AP1B1: variants seen among roughly 807,000 people sequenced by gnomAD.
AP1B1 encodes the protein adaptor related protein complex 1 subunit beta 1.
A neutral mutation model predicts 104.3 loss-of-function variants in AP1B1; 36 were observed. The ratio of observed to expected loss-of-function variants is 0.35; its 90% CI spans 0.26 to 0.46. The LOEUF (loss-of-function observed/expected upper bound fraction) is 0.46. Among genes scored for constraint, AP1B1 ranks in the 20% least tolerant of loss-of-function variants. AP1B1 has a pLI of 1.00. For missense variants in AP1B1, 901 were observed against 1,247.9 expected, an observed-to-expected ratio of 0.72 and a Z score of 4.19; for synonymous variants, 504 against 517.5, an observed-to-expected ratio of 0.97 and a Z score of 0.35.
intron 16 of AP1B1, 70 bp from the exon 17 acceptor site, chr22:29,334,480 T>A: frequency 2.0e-6 from 3 of 1,502,998 alleles, no homozygotes; most frequent in Non-Finnish European, 2.6e-6. Flanking sequence ...ACAGCCCACC[T>A]GAGGGTGCTT....
At position 29,358,968 on chromosome 22, in the gene AP1B1, A is replaced by G; in HGVS notation, c.283T>C (p.Cys95Arg). 6.2e-7 allele frequency: 1 copy of G among 1,606,128 alleles called. No individual in the cohort carries two copies. The highest frequency in any genetic ancestry group is 8.5e-7 in the Non-Finnish European group (1 of 1,176,188). Residue 95 changes from cysteine (C) to arginine (R), a missense_variant, in exon 5 of 23, where the codon TGT becomes CGT. Transcript: ENST00000357586. The stretch of plus-strand genomic sequence containing the variant: ...CGGATGAGGGGGTTGGGGTCCTCAC[A>G]GTCCTGGGGGGAACCAGCCATCGGC... ...IMAVNTFVKD[C>R]EDPNPLIRAL...
intron 11 of AP1B1, among the ~76,000 whole-genome samples, chr22:29,346,511 T>C (rs1485444450): frequency 6.6e-6 from 1 of 152,130 alleles, no homozygotes; most frequent in Non-Finnish European, 1.5e-5. Context: ...CATAATAGAG[T>C]TTGCGCTCCT....
intron 1 of AP1B1, among the ~76,000 whole-genome samples, chr22:29,381,731 G>A (rs951517906): frequency 6.6e-6 from 1 of 152,130 alleles, no homozygotes; most frequent in Non-Finnish European, 1.5e-5. Flanking sequence ...CGTTCAGTGA[G>A]GCCAAGTCAC....
At chr22:29,346,118 A>C (rs977203063) in intron 11 of AP1B1, among the ~76,000 whole-genome samples, 2 of 152,210 alleles carry the variant, frequency 1.3e-5, no homozygotes, top group Non-Finnish European at 2.9e-5. Flanking sequence ...CACTAGAGAC[A>C]AGGAAATGGG....
At chr22:29,377,195 C>CAAAAAA (rs34466410) in intron 1 of AP1B1, among the ~76,000 whole-genome samples, 7 of 64,692 alleles carry the variant, frequency 1.1e-4, no homozygotes, top group Admixed American at 2.3e-4. Context: ...GACCCTGTCT[C>CAAAAAA]AAAAAAAAAA....
intron 21 of AP1B1, 181 bp from the exon 22 acceptor site, chr22:29,329,901 G>A: frequency 6.9e-7 from 1 of 1,451,514 alleles, no homozygotes; most frequent in Non-Finnish European, 9.1e-7. Flanking sequence ...GGGAGAAGCA[G>A]AGTTTGGGGC....
chr22:29,330,420 C>T lies in AP1B1; in HGVS notation c.2724G>A (p.Val908=). The T allele has an allele frequency of 6.2e-7, 1 of 1,613,842 alleles. No homozygotes were observed. The highest frequency in any genetic ancestry group is 8.5e-7 in the Non-Finnish European group (1 of 1,179,974). Residue 908 remains valine (V), a synonymous_variant, in exon 21 of 23, where the codon GTG becomes GTA. Transcript: ENST00000357586. ...CCGGCTGGATCCGCAGCTCCGCCAG[C>T]ACCCAGATGCCGTTGGTCAGCTTCA... ...QSLKLTNGIW[V]LAELRIQPGN... is the part of the protein sequence containing the mutation.
chr22:29,380,308 G>T (rs2062416552), intron 1 of AP1B1, among the ~76,000 whole-genome samples: 1 of 152,068 alleles, frequency 6.6e-6, no homozygotes, highest in Non-Finnish European at 1.5e-5. Context: ...GCTCAGGCCT[G>T]GTACCTCTTC....
chr22:29,338,430 G>A (rs2061667838), intron 16 of AP1B1, among the ~76,000 whole-genome samples: 1 of 152,198 alleles, frequency 6.6e-6, no homozygotes, highest in Admixed American at 6.5e-5. Flanking sequence ...GCAACTTCAT[G>A]TCTTCTGGGG....
At chr22:29,339,279 A>G (rs71329471) in intron 15 of AP1B1, 146 bp from the exon 16 acceptor site, 1 of 963,724 alleles carries the variant, frequency 1.0e-6, no homozygotes, top group Non-Finnish European at 1.5e-6. Context: ...TTACAGAAAC[A>G]AGACAGAGAG....
chr22:29,351,152 C>A lies in AP1B1; in HGVS notation c.1155+19G>T. 1.9e-6 allele frequency: 3 copies of A among 1,598,756 alleles called. No homozygotes were observed. Among genetic ancestry groups the A allele is most frequent in the Non-Finnish European group, 2.6e-6 (3 of 1,168,512 alleles). The stretch of plus-strand genomic sequence containing the variant: ...CCCCTTTTCCTTCTCCAGCCAAGGA[C>A]AGAGTCCCAGAGCCTCACCTCCACC... On this transcript the variant is annotated intron_variant, in intron 9 of 22. Transcript: ENST00000357586.
chr22:29,330,921 G>A (rs777478866), intron 19 of AP1B1, among the ~76,000 whole-genome samples: 15 of 152,082 alleles, frequency 9.9e-5, no homozygotes, highest in Non-Finnish European at 1.6e-4. Flanking sequence ...CTGGCTTCCT[G>A]CCTCCAGGCC....
intron 5 of AP1B1, 57 bp from the exon 6 acceptor site, chr22:29,356,673 C>A: frequency 1.3e-6 from 2 of 1,518,852 alleles, no homozygotes; most frequent in Non-Finnish European, 9.1e-7. Context: ...GGCCAGGGGG[C>A]AGTGCATTAA....
intron 11 of AP1B1, among the ~76,000 whole-genome samples, chr22:29,348,402 C>T (rs2061824314): frequency 6.6e-6 from 1 of 152,234 alleles, no homozygotes; most frequent in Admixed American, 6.5e-5. Flanking sequence ...TGCTCCCTAG[C>T]ACTGAAGTGC....
At chr22:29,352,977 C>T (rs1200221539) in intron 7 of AP1B1, among the ~76,000 whole-genome samples, 1 of 152,148 alleles carries the variant, frequency 6.6e-6, no homozygotes, top group Non-Finnish European at 1.5e-5. Flanking sequence ...TCACATGTGT[C>T]ATTGTTCCTC....
At position 29,331,839 on chromosome 22, in the gene AP1B1, G is replaced by C; in HGVS notation, c.2387C>G (p.Pro796Arg). Residue 796 changes from proline (P) to arginine (R), a missense_variant, in exon 18 of 23, where the codon CCT (proline) becomes CGT (arginine). Around this residue, in one of 3 missense-constraint regions of AP1B1, gnomAD observed 424 missense variants for 494.0 expected, o/e 0.86. Transcript: ENST00000357586. ...SPNQTVEISL[P>R]LSTVGSVMKM... Reference sequence around the variant, plus strand: ...CATGACCGAGCCCACCGTGCTGAGAGGCAGGGAGATCTCCACTGTCTGGTT... The same window carrying C: ...CATGACCGAGCCCACCGTGCTGAGACGCAGGGAGATCTCCACTGTCTGGTT... 3 of 1,613,122 alleles carry C rather than the reference G, an allele frequency of 1.9e-6. No homozygotes were observed. The highest frequency in any genetic ancestry group is 2.5e-6 in the Non-Finnish European group (3 of 1,179,316).
rs1448388277 is a variant in AP1B1 at position 29,342,267 on chromosome 22, G to A, written c.1536+18C>T. The A allele has an allele frequency of 6.2e-7, 1 of 1,603,158 alleles. No individual in the cohort carries two copies. The highest frequency in any genetic ancestry group is 8.5e-7 in the Non-Finnish European group (1 of 1,170,910). ...GTGAGGGCTATGCTGGGCACAGCGG[G>A]GAGGTTGGGGCACCCACCTGAGTGG... On this transcript the variant is annotated intron_variant, in intron 12 of 22. Transcript: ENST00000357586.
At position 29,331,489 on chromosome 22, in the gene AP1B1, C is replaced by T. The variant is rs770177481; in HGVS notation, c.2484G>A (p.Leu828=). Reference sequence around the variant, plus strand: ...CCACAAAGAGGATGTGCAGTGGGTACAAGGTGCTGAAGTAGAAGACATCGA... The same window carrying T: ...CCACAAAGAGGATGTGCAGTGGGTATAAGGTGCTGAAGTAGAAGACATCGA... The part of the protein sequence containing the change: ...NNIDVFYFST[L]YPLHILFVED... Residue 828 remains leucine (L), a synonymous_variant, in exon 19 of 23, where the codon TTG becomes TTA. Coordinates refer to ENST00000357586, the MANE Select transcript of AP1B1 (RefSeq NM_001127.4). 2.5e-6 allele frequency: 4 copies of T among 1,614,206 alleles called. No homozygotes were observed. The highest frequency in any genetic ancestry group is 2.2e-5 in the East Asian group (1 of 44,888).
intron 1 of AP1B1, among the ~76,000 whole-genome samples, chr22:29,382,335 C>T (rs185525542): frequency 6.6e-6 from 1 of 152,336 alleles, no homozygotes; most frequent in Non-Finnish European, 1.5e-5. Context: ...GCATGAGCCA[C>T]GGCACCTGGC....
Sources: gnomAD v4.1 joint callset for allele counts (sites outside exome capture counted in the v4.1 genomes callset) on GRCh38, gnomAD v4.1.1 for gene constraint, gnomAD v4.1.1 regional missense constraint, MANE v1.5 for transcripts, NCBI Gene and HGNC (gene_info 2026-07-23, HGNC 2026-07-21) for gene names.